RAB3IL1: variants seen among roughly 807,000 people sequenced by gnomAD.
RAB3IL1 encodes the protein RAB3A interacting protein like 1.
Under a neutral mutation model 49.2 loss-of-function variants are expected in RAB3IL1, and 37 were observed. The ratio of observed to expected loss-of-function variants is 0.75; its 90% CI spans 0.58 to 0.99. RAB3IL1 has a LOEUF of 0.99. Among genes scored for constraint, RAB3IL1 ranks in the 50% least tolerant of loss-of-function variants. RAB3IL1 has a pLI of 0.00. For missense variants in RAB3IL1, 484 were observed against 513.0 expected, an observed-to-expected ratio of 0.94 and a Z score of 0.55; for synonymous variants, 193 against 213.9, an observed-to-expected ratio of 0.90 and a Z score of 0.85.
intron 5 of RAB3IL1, among the ~76,000 whole-genome samples, chr11:61,905,552 A>G (rs570458552): frequency 4.6e-5 from 7 of 151,902 alleles, no homozygotes; most frequent in African/African-American, 1.4e-4. Flanking sequence ...CCGGATGGAC[A>G]GACAGACAGA....
chr11:61,902,685 C>CAG (rs2136025971), intron 7 of RAB3IL1, 144 bp from the exon 8 acceptor site: 1 of 718,208 alleles, frequency 1.4e-6, no homozygotes, highest in Admixed American at 2.4e-5. Flanking sequence ...CAAAGGAACC[C>CAG]AGAGCCAGGC....
Position 61,908,710 on chromosome 11 carries a change from TG to T in RAB3IL1, c.12-405del, listed in dbSNP as rs200004409. 6.1e-3 allele frequency among the ~76,000 whole-genome samples: 930 copies of T among 152,324 alleles called. 7 individuals carry two copies. Among genetic ancestry groups the T allele is most frequent in the Admixed American group, 9.5e-3 (146 of 15,300 alleles). ...GGTCACTGAATGATCAGAGGAGGTG[TG>T]GGTAAAACCTTGACACCTCGGATGC... On this transcript the variant is annotated intron_variant, in intron 1 of 9. Coordinates refer to ENST00000394836, the MANE Select transcript of RAB3IL1 (RefSeq NM_013401.4).
chr11:61,920,107 T>G, upstream of RAB3IL1: 1 of 1,343,450 alleles, frequency 7.4e-7, no homozygotes, highest in South Asian at 1.9e-5. Context: ...TGATGGGGCG[T>G]AGCGGACAGT....
intron 5 of RAB3IL1, among the ~76,000 whole-genome samples, chr11:61,905,309 A>T (rs1166187757): frequency 2.0e-5 from 3 of 152,122 alleles, no homozygotes; most frequent in African/African-American, 4.8e-5. Context: ...CTCAGAGGTG[A>T]CTGCTGGCCT....
chr11:61,915,210 G>A (rs1010425132), intron 1 of RAB3IL1, among the ~76,000 whole-genome samples: 11 of 152,202 alleles, frequency 7.2e-5, no homozygotes, highest in African/African-American at 2.2e-4. Flanking sequence ...GGGTGCAGGG[G>A]TGCATGCAGG....
chr11:61,904,785 A>G lies in RAB3IL1; in HGVS notation c.755T>C (p.Val252Ala). Residue 252 changes from valine (V) to alanine (A), a missense_variant, in exon 6 of 10, where the codon GTG (valine) becomes GCG (alanine). Physicochemically the swap from Val to Ala is moderately conservative, Grantham distance 64. Coordinates refer to ENST00000394836, the MANE Select transcript of RAB3IL1 (RefSeq NM_013401.4). ...CATTGTGAAGTCCAGGCAGGGGCCC[A>G]CGTCCTCTCGGTACACCCTTTCCAG... ...PFLERVYRED[V>A]GPCLDFTMQE... 2 of 1,609,300 alleles carry G rather than the reference A, an allele frequency of 1.2e-6. No homozygotes were observed. Among genetic ancestry groups the G allele is most frequent in the Non-Finnish European group, 1.7e-6 (2 of 1,178,486 alleles).
chr11:61,932,123 C>T, the RAB3IL1 span, among the ~76,000 whole-genome samples: 5 of 151,668 alleles, frequency 3.3e-5, no homozygotes, highest in African/African-American at 7.3e-5. Flanking sequence ...TGGTGGCGGG[C>T]GCCTGTAGTC....
At chr11:61,926,350 C>G in the RAB3IL1 span, among the ~76,000 whole-genome samples, 36 of 152,238 alleles carry the variant, frequency 2.4e-4, no homozygotes, top group Middle Eastern at 0.01. Context: ...ATGAAGTATA[C>G]AGTTTAGGAG....
chr11:61,916,151 GC>G (rs1017089879), intron 1 of RAB3IL1, among the ~76,000 whole-genome samples: 2 of 151,992 alleles, frequency 1.3e-5, no homozygotes, highest in Non-Finnish European at 1.5e-5. Context: ...TTCGAGACCA[GC>G]CTGATCAATA....
the RAB3IL1 span, among the ~76,000 whole-genome samples, chr11:61,928,314 G>A: frequency 8.8e-4 from 134 of 152,322 alleles, 1 homozygote; most frequent in African/African-American, 3.0e-3. Flanking sequence ...GGAGGTTGGG[G>A]ACATGAATGT....
chr11:61,914,411 G>A (rs1251949492), intron 1 of RAB3IL1, among the ~76,000 whole-genome samples: 1 of 152,226 alleles, frequency 6.6e-6, no homozygotes, highest in East Asian at 1.9e-4. Context: ...GCAGAAACTT[G>A]AACGCTGGCT....
Position 61,902,462 on chromosome 11 carries a change from A to G in RAB3IL1, c.979T>C (p.Ser327Pro). 6.3e-7 allele frequency: 1 copy of G among 1,598,236 alleles called. No homozygotes were observed. The highest frequency in any genetic ancestry group is 2.3e-5 in the East Asian group (1 of 44,220). ...LGDSKSHYYI[S>P]PSSRARITAV... ...CTCACCCTGGCCCGGGAAGATGGCG[A>G]GATGTAGTAATGGCTTTTGGAGTCC... The change falls in exon 8 of 10, where the codon TCG becomes CCG. Residue 327 changes from serine (S) to proline (P), a missense_variant. Transcript: ENST00000394836.
chr11:61,908,378 G>A (rs1450484685), intron 1 of RAB3IL1, 72 bp from the exon 2 acceptor site: 17 of 1,330,856 alleles, frequency 1.3e-5, no homozygotes, highest in East Asian at 5.8e-5. Context: ...TCCAGAAACC[G>A]CCCCGGGGCA....
chr11:61,929,737 C>T, the RAB3IL1 span, among the ~76,000 whole-genome samples: 1 of 151,336 alleles, frequency 6.6e-6, no homozygotes, highest in African/African-American at 2.4e-5. Flanking sequence ...AGGTGTGCAC[C>T]ACCACACCCA....
upstream of RAB3IL1, chr11:61,920,109 G>T: frequency 7.4e-7 from 1 of 1,344,212 alleles, no homozygotes. Context: ...ATGGGGCGTA[G>T]CGGACAGTCC....
chr11:61,934,324 A>G, the RAB3IL1 span, among the ~76,000 whole-genome samples: 1 of 130,426 alleles, frequency 7.7e-6, no homozygotes, highest in East Asian at 2.1e-4. Context: ...AAATATACAC[A>G]CACACACACA....
At chr11:61,900,353 C>A (rs964371222) in intron 8 of RAB3IL1, among the ~76,000 whole-genome samples, 2 of 152,236 alleles carry the variant, frequency 1.3e-5, no homozygotes, top group African/African-American at 4.8e-5. Flanking sequence ...CCCGCAACAG[C>A]CCCTACTGAA....
the RAB3IL1 span, among the ~76,000 whole-genome samples, chr11:61,926,965 C>T: frequency 6.6e-6 from 1 of 152,210 alleles, no homozygotes; most frequent in African/African-American, 2.4e-5. Context: ...ATTCTCCTGC[C>T]TCAGCCTCCT....
chr11:61,939,957 C>CAA, the RAB3IL1 span, among the ~76,000 whole-genome samples: 31 of 121,982 alleles, frequency 2.5e-4, no homozygotes, highest in African/African-American at 8.2e-4. Context: ...GACTCTGTCT[C>CAA]AAAAAAAAAA....
Sources: allele counts gnomAD v4.1 joint callset (sites outside exome capture counted in the v4.1 genomes callset), GRCh38; gene constraint gnomAD v4.1.1; transcripts MANE v1.5; gene names NCBI Gene and HGNC (gene_info 2026-07-23, HGNC 2026-07-21).